Variants in RPRD2 observed in about 807,000 individuals in gnomAD.
The protein encoded by RPRD2 is regulation of nuclear pre-mRNA domain containing 2, also known as regulation of nuclear pre-mRNA domain-containing protein 2.
A neutral mutation model predicts 104.4 loss-of-function variants in RPRD2; 12 were observed. The ratio of observed to expected loss-of-function variants is 0.11; its 90% confidence interval spans 0.07 to 0.19. RPRD2 has a LOEUF of 0.19. Among genes scored for constraint, RPRD2 ranks in the 10% least tolerant of loss-of-function variants. The pLI is 1.00. For missense variants in RPRD2, 1,543 were observed against 1,790.1 expected (o/e 0.86, Z 2.49); for synonymous variants, 714 against 684.9 (o/e 1.04, Z -0.66).
At chr1:150,449,871 C>A (rs1475138984) in intron 7 of RPRD2, among the ~76,000 whole-genome samples, 2 of 152,180 alleles carry the variant, frequency 1.3e-5, no homozygotes, top group East Asian at 3.8e-4. Flanking sequence ...CTCCTCTCCT[C>A]TTGGAACTCA....
At chr1:150,455,672 T>G (rs1376684008) in intron 7 of RPRD2, among the ~76,000 whole-genome samples, 2 of 151,880 alleles carry the variant, frequency 1.3e-5, no homozygotes, top group Non-Finnish European at 2.9e-5. Context: ...TATGGACTTT[T>G]GTTAATAATT....
At chr1:150,377,426 G>T (rs1617829) in intron 1 of RPRD2, among the ~76,000 whole-genome samples, 6 of 151,036 alleles carry the variant, frequency 4.0e-5, no homozygotes, top group Non-Finnish European at 8.8e-5. Flanking sequence ...GTGAAACCCC[G>T]TCTCTACTAA....
intron 1 of RPRD2, among the ~76,000 whole-genome samples, chr1:150,387,627 T>C (rs1661687238): frequency 8.1e-6 from 1 of 123,012 alleles, no homozygotes. Flanking sequence ...GTTTCACTCT[T>C]GTCACCCAGG....
intron 1 of RPRD2, among the ~76,000 whole-genome samples, chr1:150,392,915 A>G (rs1662201729): frequency 6.6e-6 from 1 of 152,206 alleles, no homozygotes; most frequent in Non-Finnish European, 1.5e-5. Context: ...TATGAAGCAT[A>G]GAAAAAGGCA....
At position 150,471,862 on chromosome 1, in the gene RPRD2, C is replaced by T. The variant is rs1163082866; in HGVS notation, c.2914C>T (p.Arg972Cys). The T allele has an allele frequency of 1.9e-6, 3 of 1,613,990 alleles. No individual in the cohort carries two copies. The highest frequency in any genetic ancestry group is 1.7e-5 in the Admixed American group (1 of 60,018). ...AGACTCTCCTCACCCAGTCCCACAT[C>T]GTTCCCTTTTCTCTCCGCAGAACAC... ...YPDSPHPVPH[R>C]SLFSPQNTLA... The change falls in exon 11 of 11, where the codon CGT (arginine) becomes TGT (cysteine). Residue 972 changes from arginine (R) to cysteine (C), a missense_variant. Arg to Cys is a radical substitution (Grantham distance 180, BLOSUM62 -3). This residue lies in a region of RPRD2 where 880 missense variants were observed against 885.6 expected (regional missense o/e 0.99). Coordinates refer to ENST00000369068, the MANE Select transcript of RPRD2 (RefSeq NM_015203.5). This position sits in a 1 kb window ranked among gnomAD's most constrained non-coding sequence, Gnocchi z 5.3.
intron 7 of RPRD2, among the ~76,000 whole-genome samples, chr1:150,455,888 A>G (rs1667491974): frequency 2.0e-5 from 3 of 152,174 alleles, no homozygotes; most frequent in African/African-American, 4.8e-5. Context: ...ATCACTGCTC[A>G]CTGCAGCCCT....
At chr1:150,398,916 A>G (rs1662756099) in intron 1 of RPRD2, among the ~76,000 whole-genome samples, 2 of 152,280 alleles carry the variant, frequency 1.3e-5, no homozygotes, top group Non-Finnish European at 2.9e-5. Context: ...ATGTTAACAG[A>G]TGATATTTTC....
chr1:150,434,128 G>A (rs587775698), intron 2 of RPRD2, among the ~76,000 whole-genome samples: 2 of 152,258 alleles, frequency 1.3e-5, no homozygotes, highest in South Asian at 4.1e-4. Flanking sequence ...GCTGAGGCGA[G>A]CAGATCACTT....
At chr1:150,383,550 CAGGTG>C (rs1553881223) in intron 1 of RPRD2, among the ~76,000 whole-genome samples, 1 of 151,986 alleles carries the variant, frequency 6.6e-6, no homozygotes, top group East Asian at 1.9e-4. Flanking sequence ...CTCCTGACCT[CAGGTG>C]ATCCACCTGC....
intron 1 of RPRD2, among the ~76,000 whole-genome samples, chr1:150,373,544 T>TTTTTTTG (rs1660480560): frequency 6.7e-6 from 1 of 148,522 alleles, no homozygotes. Flanking sequence ...TTTTTTTTTT[T>TTTTTTTG]TTTTTTTTTT....
intron 7 of RPRD2, among the ~76,000 whole-genome samples, chr1:150,451,704 C>G (rs1458187090): frequency 6.7e-6 from 1 of 148,916 alleles, no homozygotes; most frequent in East Asian, 2.0e-4. Flanking sequence ...TCGTCCACCC[C>G]AAAAAGATGT....
At chr1:150,461,945 A>G (rs1248809516) in intron 9 of RPRD2, among the ~76,000 whole-genome samples, 3 of 150,458 alleles carry the variant, frequency 2.0e-5, no homozygotes, top group Non-Finnish European at 1.5e-5. Flanking sequence ...GCGCCACTGC[A>G]CAGCCTGGGC....
In RPRD2 at chr1:150,406,105, AAG is replaced by A. The variant is rs1663452325; in HGVS notation, c.206-11489_206-11488del. On this transcript the variant is annotated intron_variant, in intron 1 of 10. Transcript: ENST00000369068. Reference sequence around the variant, plus strand: ...ATCTGTGAAATGATGAAGAAGGAAAAAGAAATTCGTGCTAGTTTTGCTGTTGC... The same window carrying A: ...ATCTGTGAAATGATGAAGAAGGAAAAAAATTCGTGCTAGTTTTGCTGTTGC... Among the ~76,000 whole-genome samples the A allele has an allele frequency of 2.0e-5, 3 of 152,202 alleles. No homozygotes were observed. In the South Asian group the frequency reaches 6.2e-4, roughly 32 times the overall value.
At chr1:150,458,076 C>T (rs73019027) in intron 8 of RPRD2, among the ~76,000 whole-genome samples, 7,254 of 151,732 alleles carry the variant, frequency 0.048, 434 homozygotes, top group African/African-American at 0.13. Flanking sequence ...CTTGGGGGGA[C>T]GGTCGGGGGA....
chr1:150,436,041 A>G (rs1665966247), intron 2 of RPRD2, among the ~76,000 whole-genome samples: 2 of 152,154 alleles, frequency 1.3e-5, no homozygotes, highest in Admixed American at 1.3e-4. Context: ...CTGTAGATGG[A>G]ACAGCAAAGC....
rs587731275 is a variant in RPRD2, at chr1:150,424,199, A to G, written c.335+6474A>G. Among the ~76,000 whole-genome samples, 5 of 152,294 alleles carry G rather than the reference A, an allele frequency of 3.3e-5. No homozygotes were observed. In the East Asian group the frequency reaches 9.6e-4, roughly 29 times the overall value. ...AGTCCTACTCCTACAGTTTCAATTT[A>G]TGTGAAAATATGTTCAATATAAATT... On this transcript the variant is annotated intron_variant, in intron 2 of 10. Transcript: ENST00000369068.
chr1:150,472,051 C>A lies in RPRD2; in HGVS notation c.3103C>A (p.Pro1035Thr). Reference sequence around the variant, plus strand: ...TGGCCAGGCTCCCAGCAAGGGCACTCCAAGTGATGGTGTCAGTCTCTCAAA... The same window carrying A: ...TGGCCAGGCTCCCAGCAAGGGCACTACAAGTGATGGTGTCAGTCTCTCAAA... ...HFGQAPSKGTPSDGVSLSNLT... is the reference protein window; with the variant it reads ...HFGQAPSKGTTSDGVSLSNLT... Residue 1035 changes from proline to threonine, a missense_variant, in exon 11 of 11, where the codon CCA (proline) becomes ACA (threonine). By Grantham distance (38) the Pro-to-Thr change is conservative (BLOSUM62 -1). Around this residue, in one of 4 missense-constraint regions of RPRD2, gnomAD observed 880 missense variants for 885.6 expected, o/e 0.99. Coordinates refer to ENST00000369068, the MANE Select transcript of RPRD2 (RefSeq NM_015203.5). 1 of 1,613,858 alleles carries A rather than the reference C, an allele frequency of 6.2e-7. No homozygotes were observed. The highest frequency in any genetic ancestry group is 1.3e-5 in the African/African-American group (1 of 75,038).
At chr1:150,456,260 TA>T (rs1376084091) in intron 7 of RPRD2, among the ~76,000 whole-genome samples, 1 of 152,092 alleles carries the variant, frequency 6.6e-6, no homozygotes, top group African/African-American at 2.4e-5. Flanking sequence ...AGGCTCTCAA[TA>T]AATATTGGTT....
intron 2 of RPRD2, among the ~76,000 whole-genome samples, chr1:150,440,175 A>G (rs1666318015): frequency 6.6e-6 from 1 of 152,080 alleles, no homozygotes; most frequent in African/African-American, 2.4e-5. Context: ...TAAACTTCCA[A>G]GCTCAAGTGA....
Sources: gnomAD v4.1 joint callset for allele counts (sites outside exome capture counted in the v4.1 genomes callset) on GRCh38, gnomAD v4.1.1 for gene constraint, gnomAD v4.1.1 regional missense constraint, Gnocchi (gnomAD v3.1) non-coding constraint, MANE v1.5 for transcripts, NCBI Gene and HGNC (gene_info 2026-07-23, HGNC 2026-07-21) for gene names.